PCDH15: variants seen among roughly 807,000 people sequenced by gnomAD.
The protein encoded by PCDH15 is protocadherin-15.
PCDH15 carries 129 observed loss-of-function variants against 178.5 expected under a neutral mutation model. The ratio of observed to expected loss-of-function variants is 0.72; its 90% CI spans 0.63 to 0.84. The LOEUF (loss-of-function observed/expected upper bound fraction) is 0.84, where lower values mean the gene tolerates loss of function less well. PCDH15 is among the 40% of genes least tolerant of loss of function. The pLI, the probability that PCDH15 is intolerant of heterozygous loss-of-function variation, is 0.00. For synonymous variants in PCDH15, 800 were observed against 732.0 expected (o/e 1.09, Z -1.50); for missense variants, 2,230 against 2,099.9 (o/e 1.06, Z -1.21).
At chr10:55,025,693 C>T (rs1014295808) in intron 2 of PCDH15, among the ~76,000 whole-genome samples, 11 of 151,768 alleles carry the variant, frequency 7.2e-5, no homozygotes, top group African/African-American at 2.4e-4. Context: ...AATGCAATAA[C>T]AGATTTTATA....
chr10:54,643,104 T>C (rs1235848355), intron 2 of PCDH15, among the ~76,000 whole-genome samples: 1 of 152,052 alleles, frequency 6.6e-6, no homozygotes, highest in South Asian at 2.1e-4. Context: ...TTTGTACTTT[T>C]AGTAGAGATG....
chr10:55,565,247 C>A (rs1842278532), intron 2 of PCDH15, among the ~76,000 whole-genome samples: 1 of 151,432 alleles, frequency 6.6e-6, no homozygotes, highest in African/African-American at 2.4e-5. Context: ...TTCTAAATTA[C>A]CAATTGATCA....
chr10:55,627,301 T>C (rs1450657312), intron 2 of PCDH15, among the ~76,000 whole-genome samples: 1 of 152,182 alleles, frequency 6.6e-6, no homozygotes, highest in Non-Finnish European at 1.5e-5. Flanking sequence ...CCCATAATTC[T>C]TGCCCACAGG....
intron 25 of PCDH15, among the ~76,000 whole-genome samples, chr10:53,918,130 C>T (rs2083682801): frequency 6.6e-6 from 1 of 152,180 alleles, no homozygotes; most frequent in Non-Finnish European, 1.5e-5. Context: ...GCCTAATACA[C>T]AAACCAAATA....
intron 2 of PCDH15, among the ~76,000 whole-genome samples, chr10:55,548,943 AAAG>A (rs1174198522): frequency 6.6e-6 from 1 of 152,200 alleles, no homozygotes; most frequent in Non-Finnish European, 1.5e-5. Flanking sequence ...TTAGAAAACA[AAAG>A]AATAATTTTA....
At chr10:54,687,695 T>A (rs1156545660) in intron 1 of PCDH15, among the ~76,000 whole-genome samples, 3 of 152,110 alleles carry the variant, frequency 2.0e-5, no homozygotes, top group Non-Finnish European at 4.4e-5. Flanking sequence ...TTTCTGTATG[T>A]TTCCTCTTAG....
intron 23 of PCDH15, among the ~76,000 whole-genome samples, chr10:53,951,412 G>A (rs2087029707): frequency 6.9e-6 from 1 of 145,254 alleles, no homozygotes; most frequent in South Asian, 2.2e-4. Context: ...AATGCCATTA[G>A]CTTTTTAAGA....
chr10:54,358,330 C>T (rs1345193650), intron 5 of PCDH15, among the ~76,000 whole-genome samples: 4 of 151,364 alleles, frequency 2.6e-5, no homozygotes, highest in African/African-American at 9.7e-5. Flanking sequence ...AAAAAAACAA[C>T]CCCATCAAAA....
In PCDH15 at chr10:55,116,638, T is replaced by C. The variant is rs542656857; in HGVS notation, c.-80+49938A>G. Among the ~76,000 whole-genome samples the C allele has an allele frequency of 4.1e-4, 63 of 152,262 alleles. 1 individual carries two copies. The highest frequency in any genetic ancestry group is 1.4e-3 in the African/African-American group (58 of 41,552). On this transcript the variant is annotated intron_variant, in intron 2 of 5. Transcript: ENST00000458638. ...CGTGATTCTGCTACTTAGGAAATCT[T>C]ATGTAATAAGTGCTCTGGCAAGCTT... is the stretch of plus-strand genomic sequence containing the variant.
chr10:54,030,564 A>G (rs2093263824), intron 18 of PCDH15, among the ~76,000 whole-genome samples: 1 of 152,048 alleles, frequency 6.6e-6, no homozygotes, highest in African/African-American at 2.4e-5. Context: ...TTGAATTAAA[A>G]TCACTAAAAA....
intron 1 of PCDH15, among the ~76,000 whole-genome samples, chr10:54,794,792 A>G (rs933350456): frequency 1.3e-5 from 2 of 151,946 alleles, no homozygotes; most frequent in African/African-American, 4.8e-5. Flanking sequence ...CACATCAAAG[A>G]AAGTAGGAAA....
intron 2 of PCDH15, among the ~76,000 whole-genome samples, chr10:55,563,451 A>G (rs900360337): frequency 2.6e-5 from 4 of 151,952 alleles, no homozygotes; most frequent in Non-Finnish European, 5.9e-5. Flanking sequence ...GATCTTCAGC[A>G]CAGACACAGC....
chr10:55,075,568 C>G (rs886844460), intron 2 of PCDH15, among the ~76,000 whole-genome samples: 3 of 151,676 alleles, frequency 2.0e-5, no homozygotes, highest in Non-Finnish European at 4.4e-5. Context: ...TTTCACCATG[C>G]TGGCCAAGAT....
At chr10:54,304,725 G>C (rs1372591304) in intron 8 of PCDH15, among the ~76,000 whole-genome samples, 1 of 152,036 alleles carries the variant, frequency 6.6e-6, no homozygotes, top group Non-Finnish European at 1.5e-5. Flanking sequence ...ATAAGCGATA[G>C]GGAGCAAAAG....
intron 2 of PCDH15, among the ~76,000 whole-genome samples, chr10:55,004,749 C>A (rs570109430): frequency 7.2e-5 from 11 of 152,190 alleles, no homozygotes; most frequent in African/African-American, 2.7e-4. Context: ...TAACAACACT[C>A]ATCTTAATGA....
chr10:55,182,417 A>G (rs1219346), intron 1 of PCDH15, among the ~76,000 whole-genome samples: 54,248 of 151,762 alleles, frequency 0.36, 10,002 homozygotes, highest in South Asian at 0.48. Flanking sequence ...TGAATACAAC[A>G]TATCATAGTG....
At chr10:55,033,798 T>TG (rs1840670185) in intron 2 of PCDH15, among the ~76,000 whole-genome samples, 1 of 152,196 alleles carries the variant, frequency 6.6e-6, no homozygotes, top group Non-Finnish European at 1.5e-5. Flanking sequence ...TATAATGCTA[T>TG]GGTTTGAATG....
chr10:54,992,757 G>GAA (rs202240183), intron 2 of PCDH15, among the ~76,000 whole-genome samples: 8 of 121,082 alleles, frequency 6.6e-5, no homozygotes, highest in Non-Finnish European at 1.3e-4. Flanking sequence ...TCCATCTCAA[G>GAA]AAAAAAAAAA....
chr10:55,282,007 C>T (rs1229967986), intron 1 of PCDH15, among the ~76,000 whole-genome samples: 1 of 152,134 alleles, frequency 6.6e-6, no homozygotes, highest in Non-Finnish European at 1.5e-5. Flanking sequence ...AGCTTCATAA[C>T]TATTATATCC....
Sources: allele counts gnomAD v4.1 joint callset (sites outside exome capture counted in the v4.1 genomes callset), GRCh38; gene constraint gnomAD v4.1.1; transcripts MANE v1.5; gene names NCBI Gene and HGNC (gene_info 2026-07-23, HGNC 2026-07-21).